ANO3: variants seen among roughly 807,000 people sequenced by gnomAD.
ANO3 encodes anoctamin 3, also known as anoctamin-3.
ANO3 carries 99 observed loss-of-function variants against 144.8 expected under a neutral mutation model. The observed-to-expected ratio is 0.68, with a 90% CI of 0.58 to 0.81. The LOEUF is 0.81. Ranked by LOEUF, ANO3 falls within the 30% of genes least tolerant of loss-of-function variation. ANO3 has a pLI of 0.00. For synonymous variants in ANO3, 414 were observed against 392.6 expected (o/e 1.05, Z -0.64); for missense variants, 905 against 1,202.2 (o/e 0.75, Z 3.66).
In ANO3 at chr11:26,463,052, C is replaced by T; in HGVS notation, c.336C>T (p.Tyr112=). 6.3e-7 allele frequency: 1 copy of T among 1,585,102 alleles called. No homozygotes were observed. The highest frequency in any genetic ancestry group is 8.6e-7 in the Non-Finnish European group (1 of 1,163,704). The change falls in exon 4 of 27, where the codon TAC becomes TAT. Residue 112 remains tyrosine (Y), a synonymous_variant. Coordinates refer to ENST00000256737, the MANE Select transcript of ANO3 (RefSeq NM_031418.4). ...FCLALGKDKD[Y]TDESEHATYD... ...TAGCCCTAGGAAAAGATAAGGATTA[C>T]ACGGATGAATCAGAACACGCTACTT... is the stretch of plus-strand genomic sequence containing the variant.
intron 11 of ANO3, 111 bp from the exon 12 acceptor site, chr11:26,547,305 C>T: frequency 9.5e-7 from 1 of 1,048,112 alleles, no homozygotes; most frequent in Middle Eastern, 2.1e-4. Context: ...TGAGGAGGAA[C>T]TGAGTGTAGC....
intron 1 of ANO3, among the ~76,000 whole-genome samples, chr11:26,338,779 A>G (rs1016620771): frequency 1.3e-5 from 2 of 152,038 alleles, no homozygotes; most frequent in South Asian, 4.2e-4. Flanking sequence ...TCACTCCTGA[A>G]GTCAGTGAGA....
chr11:26,457,176 G>C (rs190171532), intron 3 of ANO3, among the ~76,000 whole-genome samples: 2 of 151,196 alleles, frequency 1.3e-5, no homozygotes, highest in African/African-American at 4.9e-5. Context: ...GTATACATGT[G>C]TAACTTACCT....
intron 17 of ANO3, among the ~76,000 whole-genome samples, chr11:26,615,394 T>TTATATATATATATATATATA (rs201511864): frequency 7.8e-6 from 1 of 128,902 alleles, no homozygotes; most frequent in African/African-American, 3.0e-5. Context: ...TTCTGTCAGT[T>TTATATATATATATATATATA]TATATATATA....
At position 26,443,844 on chromosome 11, in the gene ANO3, G is replaced by A. The variant is rs374856928; in HGVS notation, c.313+8G>A. On this transcript the variant is annotated splice_region_variant and intron_variant, in intron 3 of 26. Transcript: ENST00000256737. ...TCAGCGATTTTTGTTTGGGTAAGTT[G>A]ATAATCAGTATTTACCTACTCCTTT... 9.9e-5 allele frequency: 158 copies of A among 1,600,710 alleles called. 1 individual carries two copies. The highest frequency in any genetic ancestry group is 1.3e-4 in the Non-Finnish European group (147 of 1,169,480).
At chr11:26,344,716 A>G (rs939216755) in intron 1 of ANO3, among the ~76,000 whole-genome samples, 5 of 152,064 alleles carry the variant, frequency 3.3e-5, no homozygotes, top group African/African-American at 1.2e-4. Context: ...CCTTTGGGCC[A>G]CTAATATTTT....
chr11:26,651,540 T>C (rs1853532221), intron 24 of ANO3, among the ~76,000 whole-genome samples: 1 of 152,178 alleles, frequency 6.6e-6, no homozygotes, highest in Non-Finnish European at 1.5e-5. Context: ...AATGTCATTC[T>C]CACTATGTTT....
chr11:26,349,133 A>G (rs906868360), intron 1 of ANO3, among the ~76,000 whole-genome samples: 1 of 152,174 alleles, frequency 6.6e-6, no homozygotes, highest in African/African-American at 2.4e-5. Flanking sequence ...TTACTGATTG[A>G]CTTACACACT....
intron 14 of ANO3, among the ~76,000 whole-genome samples, chr11:26,595,208 C>T (rs979700423): frequency 1.3e-5 from 2 of 152,122 alleles, no homozygotes; most frequent in Non-Finnish European, 2.9e-5. Flanking sequence ...GTGTAGCAGT[C>T]CTGCACCCTT....
chr11:26,332,628 C>G (rs1855085143), intron 1 of ANO3, among the ~76,000 whole-genome samples: 1 of 151,934 alleles, frequency 6.6e-6, no homozygotes, highest in Non-Finnish European at 1.5e-5. Context: ...GTCCGAATAG[C>G]TCAGTAGAGC....
intron 1 of ANO3, among the ~76,000 whole-genome samples, chr11:26,405,564 G>A (rs1168468148): frequency 6.6e-6 from 1 of 151,852 alleles, no homozygotes; most frequent in Non-Finnish European, 1.5e-5. Context: ...GATTAAGATA[G>A]TGCATGGCTA....
chr11:26,453,944 A>C (rs1859047240), intron 3 of ANO3, among the ~76,000 whole-genome samples: 2 of 152,216 alleles, frequency 1.3e-5, no homozygotes, highest in South Asian at 4.1e-4. Context: ...GCTCAACTAC[A>C]TGGAAACTGA....
In ANO3 at chr11:26,460,396, C is replaced by A. The variant is rs534773088; in HGVS notation, c.314-2634C>A. ...ATATTATGCTGACTTCTCCAGTATA[C>A]CAAGAAAGAAAAAGAAGAAGAAAGG... On this transcript the variant is annotated intron_variant, in intron 3 of 26. Coordinates refer to ENST00000256737, the MANE Select transcript of ANO3 (RefSeq NM_031418.4). 1.4e-4 allele frequency among the ~76,000 whole-genome samples: 15 copies of A among 103,552 alleles called. No individual in the cohort carries two copies. In the East Asian group the frequency reaches 4.2e-3, roughly 29 times the overall value. 67.9% of individuals were successfully genotyped at this position (103,552 alleles called of 152,430 possible).
intron 1 of ANO3, among the ~76,000 whole-genome samples, chr11:26,355,921 CCACTTTGTGAGCAACTTCTT>C (rs1272131143): frequency 2.1e-4 from 32 of 152,288 alleles, no homozygotes; most frequent in African/African-American, 6.3e-4. Flanking sequence ...ATTATGTTGA[CCACTTTGTGAGCAACTTCTT>C]TCCAATCTAT....
At chr11:26,320,744 A>G (rs1483091707) in intron 1 of ANO3, among the ~76,000 whole-genome samples, 2 of 152,066 alleles carry the variant, frequency 1.3e-5, no homozygotes, top group African/African-American at 4.8e-5. Context: ...GTGAAATTTT[A>G]CCTTGATTAA....
At chr11:26,651,218 A>G (rs973726393) in intron 24 of ANO3, among the ~76,000 whole-genome samples, 1 of 152,222 alleles carries the variant, frequency 6.6e-6, no homozygotes, top group Non-Finnish European at 1.5e-5. Context: ...TGAATAAAAG[A>G]TGAATTTAAA....
intron 4 of ANO3, among the ~76,000 whole-genome samples, chr11:26,507,467 TG>T (rs1861480241): frequency 6.6e-6 from 1 of 152,208 alleles, no homozygotes; most frequent in Non-Finnish European, 1.5e-5. Flanking sequence ...CTGTTCTAGT[TG>T]GTTTGCAGTC....
At chr11:26,223,089 C>A (rs141095042) in intron 1 of ANO3, among the ~76,000 whole-genome samples, 68 of 151,882 alleles carry the variant, frequency 4.5e-4, no homozygotes, top group Middle Eastern at 3.4e-3. Context: ...ATTTTCCAGG[C>A]TTTTCTGCTC....
chr11:26,582,271 T>C (rs1224715884), intron 14 of ANO3, among the ~76,000 whole-genome samples: 3 of 152,238 alleles, frequency 2.0e-5, no homozygotes, highest in African/African-American at 7.2e-5. Flanking sequence ...TATTTTATAG[T>C]GATCGGTGTT....
Sources: gnomAD v4.1 joint callset for allele counts (sites outside exome capture counted in the v4.1 genomes callset) on GRCh38, gnomAD v4.1.1 for gene constraint, MANE v1.5 for transcripts, NCBI Gene and HGNC (gene_info 2026-07-23, HGNC 2026-07-21) for gene names.